Variants in COG5 observed in about 807,000 individuals in gnomAD.
COG5 encodes the protein conserved oligomeric Golgi complex subunit 5.
In COG5, 86 loss-of-function variants were observed where a neutral mutation model predicts 110.4. That is an observed-to-expected ratio of 0.78 (90% CI 0.65 to 0.93). COG5 has a LOEUF of 0.93. Ranked by LOEUF, COG5 falls within the 40% of genes least tolerant of loss-of-function variation. The pLI, the probability that COG5 is intolerant of heterozygous loss-of-function variation, is 0.00. For synonymous variants in COG5, 360 were observed against 334.6 expected, an observed-to-expected ratio of 1.08 and a Z score of -0.83; for missense variants, 1,077 against 987.0, an observed-to-expected ratio of 1.09 and a Z score of -1.22.
chr7:107,298,331 TTCAAAAACA>T lies in COG5; in HGVS notation c.1115_1123del (p.Met372_Leu374del), dbSNP rs1188269799. 1.2e-6 allele frequency: 2 copies of T among 1,613,146 alleles called. No homozygotes were observed. Among genetic ancestry groups the T allele is most frequent in the African/African-American group, 2.7e-5 (2 of 74,892 alleles). On this transcript the variant is annotated inframe_deletion, in exon 12 of 22. Transcript: ENST00000297135. ...AGGGTATTCTCCTTCAAATGCCTGC[TTCAAAAACA>T]TCGAAGCTGCCAAGCAAAACAAGAA... is the stretch of plus-strand genomic sequence containing the variant.
chr7:107,409,743 A>G (rs1228850653), intron 7 of COG5, among the ~76,000 whole-genome samples: 1 of 152,182 alleles, frequency 6.6e-6, no homozygotes, highest in Admixed American at 6.6e-5. Context: ...AAGGTTAGAG[A>G]TCTGATGGAG....
At chr7:107,563,046 TTA>T (rs1274395119) in intron 1 of COG5, among the ~76,000 whole-genome samples, 1 of 152,208 alleles carries the variant, frequency 6.6e-6, no homozygotes, top group Non-Finnish European at 1.5e-5. Flanking sequence ...GAGAAGGGCT[TTA>T]TTTTTATGCT....
intron 6 of COG5, among the ~76,000 whole-genome samples, chr7:107,488,934 T>C (rs1419501582): frequency 6.6e-6 from 1 of 152,178 alleles, no homozygotes; most frequent in Non-Finnish European, 1.5e-5. Context: ...TCCCCAAAGT[T>C]ATAATGTCAC....
chr7:107,513,365 T>G (rs899475124), intron 6 of COG5, among the ~76,000 whole-genome samples: 23 of 152,034 alleles, frequency 1.5e-4, no homozygotes, highest in East Asian at 5.8e-4. Context: ...CTCACACCAG[T>G]TAGAATGGCG....
intron 7 of COG5, among the ~76,000 whole-genome samples, chr7:107,379,669 A>T (rs988725261): frequency 6.6e-6 from 1 of 152,050 alleles, no homozygotes. Context: ...CAACAAAGAT[A>T]AAAAAAGACA....
chr7:107,249,690 TTGTGTGTGTGTGTG>T (rs57572752), intron 16 of COG5, among the ~76,000 whole-genome samples: 141 of 131,754 alleles, frequency 1.1e-3, no homozygotes, highest in African/African-American at 2.0e-3. Flanking sequence ...ACGTACAGGA[TTGTGTGTGTGTGTG>T]TGTGTGTGTG....
At chr7:107,275,919 T>A (rs888259825) in intron 14 of COG5, among the ~76,000 whole-genome samples, 11 of 152,170 alleles carry the variant, frequency 7.2e-5, no homozygotes, top group African/African-American at 2.7e-4. Context: ...TTTTTTTCCA[T>A]CATAGGAATG....
At chr7:107,257,897 T>G (rs1803002966) in intron 15 of COG5, among the ~76,000 whole-genome samples, 2 of 152,160 alleles carry the variant, frequency 1.3e-5, no homozygotes, top group Non-Finnish European at 2.9e-5. Flanking sequence ...TTTTGACATG[T>G]TGGAGGGCTT....
intron 11 of COG5, among the ~76,000 whole-genome samples, chr7:107,311,350 G>A (rs1562962921): frequency 7.5e-6 from 1 of 134,012 alleles, no homozygotes; most frequent in African/African-American, 2.7e-5. Context: ...CTATTTATAA[G>A]TGATATCGAG....
chr7:107,204,041 T>C (rs1439327987), intron 21 of COG5, among the ~76,000 whole-genome samples: 1 of 152,180 alleles, frequency 6.6e-6, no homozygotes, highest in East Asian at 1.9e-4. Flanking sequence ...TACAAGGGGA[T>C]GGGGCCCTTT....
At chr7:107,417,941 T>C (rs965045436) in intron 6 of COG5, among the ~76,000 whole-genome samples, 2 of 152,178 alleles carry the variant, frequency 1.3e-5, no homozygotes, top group Non-Finnish European at 2.9e-5. Context: ...TCCCAGTCTA[T>C]TGATTTTTAA....
chr7:107,296,451 G>T (rs1037281678), intron 12 of COG5, among the ~76,000 whole-genome samples: 1 of 151,872 alleles, frequency 6.6e-6, no homozygotes, highest in Admixed American at 6.6e-5. Flanking sequence ...CATAGGTTCT[G>T]TTCTCTTTTG....
intron 7 of COG5, among the ~76,000 whole-genome samples, chr7:107,406,194 A>T (rs1236353091): frequency 6.6e-6 from 1 of 152,222 alleles, no homozygotes; most frequent in Non-Finnish European, 1.5e-5. Context: ...CTCCCCCTCC[A>T]CTGAGCAGAA....
intron 11 of COG5, among the ~76,000 whole-genome samples, chr7:107,321,824 CA>C (rs952353352): frequency 4.0e-5 from 6 of 151,156 alleles, no homozygotes; most frequent in African/African-American, 4.9e-5. Flanking sequence ...ATTTTTAGGT[CA>C]AAAAAAAGTA....
intron 21 of COG5, chr7:107,208,811 C>T: frequency 2.1e-5 from 21 of 985,500 alleles, no homozygotes; most frequent in Non-Finnish European, 2.5e-5. Flanking sequence ...AGCTTGAGGG[C>T]TCAGGGTCAC....
At chr7:107,480,563 C>CTAAG (rs1395109097) in intron 6 of COG5, among the ~76,000 whole-genome samples, 1 of 151,990 alleles carries the variant, frequency 6.6e-6, no homozygotes, top group Non-Finnish European at 1.5e-5. Context: ...TTCAAAGATG[C>CTAAG]TAAGCTCTTA....
chr7:107,512,244 C>A (rs1450956181), intron 6 of COG5, among the ~76,000 whole-genome samples: 1 of 152,144 alleles, frequency 6.6e-6, no homozygotes, highest in Non-Finnish European at 1.5e-5. Context: ...CATCCTTATA[C>A]ACCAATAACA....
Position 107,558,006 on chromosome 7 carries a change from G to A in COG5, c.204C>T (p.Ile68=). The change falls in exon 2 of 22, where the codon ATC becomes ATT. Residue 68 remains isoleucine, a synonymous_variant. Coordinates refer to ENST00000297135, the MANE Select transcript of COG5 (RefSeq NM_006348.5). ...AGTGTAGTTCTCTGTCCAACTGACTGATTCCTTGGGCAAGTTTTGCTAGTT... is the reference window on the plus strand; with the variant it reads ...AGTGTAGTTCTCTGTCCAACTGACTAATTCCTTGGGCAAGTTTTGCTAGTT... The part of the protein sequence containing the change: ...AEQLAKLAQG[I]SQLDRELHLQ... The A allele has an allele frequency of 6.2e-7, 1 of 1,613,788 alleles. No individual in the cohort carries two copies.
intron 6 of COG5, among the ~76,000 whole-genome samples, chr7:107,507,007 G>C (rs1466384559): frequency 6.6e-6 from 1 of 152,222 alleles, no homozygotes; most frequent in South Asian, 2.1e-4. Context: ...ACGCAAGGCT[G>C]CTCCCACTGC....
Sources: gnomAD v4.1 joint callset for allele counts (sites outside exome capture counted in the v4.1 genomes callset) on GRCh38, gnomAD v4.1.1 for gene constraint, MANE v1.5 for transcripts, NCBI Gene and HGNC (gene_info 2026-07-23, HGNC 2026-07-21) for gene names.